The following SLC24A4 variants were observed in gnomAD, a reference collection of about 807,000 sequenced individuals.
SLC24A4 encodes solute carrier family 24 member 4.
In SLC24A4, 53 loss-of-function variants were observed where a neutral mutation model predicts 79.0. That is an observed-to-expected ratio of 0.67 (90% CI 0.54 to 0.84). The LOEUF (loss-of-function observed/expected upper bound fraction) is 0.84. SLC24A4 is among the 40% of genes least tolerant of loss of function. The pLI is 0.00. For synonymous variants in SLC24A4, 323 were observed against 323.8 expected, an observed-to-expected ratio of 1.00 and a Z score of 0.03; for missense variants, 731 against 822.0, an observed-to-expected ratio of 0.89 and a Z score of 1.35.
chr14:92,455,841 C>G (rs529400782), intron 11 of SLC24A4, among the ~76,000 whole-genome samples: 1 of 152,000 alleles, frequency 6.6e-6, no homozygotes, highest in Non-Finnish European at 1.5e-5. Context: ...GCTGGGATTA[C>G]GGGGGCCTAC....
At position 92,418,847 on chromosome 14, in the gene SLC24A4, A is replaced by G. The variant is rs185266692; in HGVS notation, c.242-15065A>G. 6.8e-3 allele frequency among the ~76,000 whole-genome samples: 1,028 copies of G among 152,116 alleles called. 12 individuals carry two copies. The highest frequency in any genetic ancestry group is 0.024 in the African/African-American group (999 of 41,466). On this transcript the variant is annotated intron_variant, in intron 2 of 16. Coordinates refer to ENST00000532405, the MANE Select transcript of SLC24A4 (RefSeq NM_153646.4). ...CTCCTGAGTAGCTGGGATTATAGGC[A>G]CCTGCCACCACGCCTGGCTAATTTT...
In SLC24A4 at chr14:92,490,091, C is replaced by T. The variant is rs1895600074; in HGVS notation, c.1538-1574C>T. Among the ~76,000 whole-genome samples, 1 of 152,174 alleles carries T rather than the reference C, an allele frequency of 6.6e-6. No homozygotes were observed. The highest frequency in any genetic ancestry group is 1.5e-5 in the Non-Finnish European group (1 of 68,040). The stretch of plus-strand genomic sequence containing the variant: ...AGCAGGGGAGGAGGAGGTGACCTAG[C>T]TATGCAACATGGGCGGGCTGGCAGT... On this transcript the variant is annotated intron_variant, in intron 14 of 16. Coordinates refer to ENST00000532405, the MANE Select transcript of SLC24A4 (RefSeq NM_153646.4). The surrounding 1 kb of genome is among the most constrained non-coding windows in gnomAD (Gnocchi z 4.3).
intron 2 of SLC24A4, among the ~76,000 whole-genome samples, chr14:92,378,106 A>G (rs1888619229): frequency 6.6e-6 from 1 of 152,104 alleles, no homozygotes; most frequent in South Asian, 2.1e-4. Context: ...GGAGTCATCC[A>G]TTTTGTTGCG....
chr14:92,471,581 C>A (rs1204324299), intron 12 of SLC24A4, among the ~76,000 whole-genome samples: 1 of 152,150 alleles, frequency 6.6e-6, no homozygotes, highest in Non-Finnish European at 1.5e-5. Context: ...AACCCAGGGC[C>A]TATGTAACCC....
At chr14:92,364,680 T>G (rs1196712253) in intron 2 of SLC24A4, among the ~76,000 whole-genome samples, 1 of 152,110 alleles carries the variant, frequency 6.6e-6, no homozygotes, top group Non-Finnish European at 1.5e-5. Flanking sequence ...TCATCCCTCA[T>G]CTGTGCATGG....
At chr14:92,416,038 A>C (rs779460804) in intron 2 of SLC24A4, among the ~76,000 whole-genome samples, 3 of 152,156 alleles carry the variant, frequency 2.0e-5, no homozygotes, top group Non-Finnish European at 2.9e-5. Context: ...TGGGTTTTAA[A>C]TTCTAAGCTG....
chr14:92,363,827 TA>T (rs139830062), intron 2 of SLC24A4, among the ~76,000 whole-genome samples: 10,402 of 145,514 alleles, frequency 0.071, 439 homozygotes, highest in Admixed American at 0.097. Context: ...AGACTCCGTC[TA>T]AAAAAAAAAA....
chr14:92,474,649 T>C (rs897655104), intron 12 of SLC24A4, among the ~76,000 whole-genome samples: 2 of 78,622 alleles, frequency 2.5e-5, no homozygotes, highest in African/African-American at 9.8e-5. Context: ...AACGCCCAGC[T>C]AATTTTTGTG....
chr14:92,440,459 G>A (rs1388152896), intron 4 of SLC24A4, among the ~76,000 whole-genome samples: 1 of 152,232 alleles, frequency 6.6e-6, no homozygotes, highest in South Asian at 2.1e-4. Flanking sequence ...CCTTCCAGAG[G>A]GGGCCCTTGG....
At chr14:92,376,525 A>G (rs751324362) in intron 2 of SLC24A4, among the ~76,000 whole-genome samples, 5 of 152,256 alleles carry the variant, frequency 3.3e-5, no homozygotes, top group Non-Finnish European at 7.3e-5. Context: ...TTTTGCATAC[A>G]GAAGTCTGGG....
chr14:92,420,150 C>T (rs565648650), intron 2 of SLC24A4, among the ~76,000 whole-genome samples: 44 of 152,294 alleles, frequency 2.9e-4, no homozygotes, highest in African/African-American at 9.6e-4. Flanking sequence ...CCTGTCGACA[C>T]TTTGATATTG....
intron 7 of SLC24A4, among the ~76,000 whole-genome samples, chr14:92,444,237 T>C (rs1208626029): frequency 6.6e-6 from 1 of 152,074 alleles, no homozygotes; most frequent in Non-Finnish European, 1.5e-5. Context: ...AAATATAATC[T>C]ATAATAAAAG....
rs1045562201 is a variant in SLC24A4, at chr14:92,323,610, C to T, written c.-221C>T. On this transcript the variant is annotated 5_prime_UTR_variant, in exon 1 of 17. Coordinates refer to ENST00000532405, the MANE Select transcript of SLC24A4 (RefSeq NM_153646.4). The surrounding 1 kb of genome is among the most constrained non-coding windows in gnomAD (Gnocchi z 4.9). ...AGCCATGGTGCGCGCAGCGCGCACGCGGCGCGCGGGACTCTGAGCTCCGGC... is the reference window on the plus strand; with the variant it reads ...AGCCATGGTGCGCGCAGCGCGCACGTGGCGCGCGGGACTCTGAGCTCCGGC... The T allele has an allele frequency of 1.7e-5, 7 of 419,672 alleles. No individual in the cohort carries two copies. The highest frequency in any genetic ancestry group is 2.1e-5 in the African/African-American group (1 of 48,048). 26.0% of individuals were successfully genotyped at this position (419,672 alleles called of 1,614,324 possible). A position where few individuals can be genotyped will look rare whatever the true frequency, so the allele number is the denominator to read the frequency against.
At chr14:92,346,148 G>T (rs1327852610) in intron 2 of SLC24A4, among the ~76,000 whole-genome samples, 1 of 152,124 alleles carries the variant, frequency 6.6e-6, no homozygotes, top group Non-Finnish European at 1.5e-5. Context: ...CAAGGAGGCT[G>T]GTGTGACTGA....
intron 2 of SLC24A4, among the ~76,000 whole-genome samples, chr14:92,382,714 A>C (rs1403881123): frequency 2.6e-5 from 4 of 152,126 alleles, no homozygotes; most frequent in Non-Finnish European, 4.4e-5. Context: ...ACCTAACCCT[A>C]CCTGGAAACA....
At chr14:92,331,832 A>T (rs1319778026) in intron 2 of SLC24A4, among the ~76,000 whole-genome samples, 3 of 152,192 alleles carry the variant, frequency 2.0e-5, no homozygotes, top group Non-Finnish European at 4.4e-5. Context: ...CAATGTGAAG[A>T]TCATGAGGAT....
At chr14:92,390,744 A>G (rs1889415321) in intron 2 of SLC24A4, among the ~76,000 whole-genome samples, 2 of 152,208 alleles carry the variant, frequency 1.3e-5, no homozygotes, top group South Asian at 4.1e-4. Flanking sequence ...CACGGGCACC[A>G]GGCCTACCAG....
At chr14:92,447,484 CT>C (rs1892868095) in intron 9 of SLC24A4, 60 bp downstream of exon 9, 1 of 1,481,312 alleles carries the variant, frequency 6.8e-7, no homozygotes, top group South Asian at 1.1e-5. Flanking sequence ...CTGCTACAGC[CT>C]TTTGTGACAG....
intron 1 of SLC24A4, among the ~76,000 whole-genome samples, chr14:92,324,783 CAAAAG>C (rs1194253833): frequency 6.6e-6 from 1 of 152,044 alleles, no homozygotes; most frequent in Non-Finnish European, 1.5e-5. Context: ...TGTAAAAAGA[CAAAAG>C]AAATGCTGGT....
Sources: allele counts gnomAD v4.1 joint callset (sites outside exome capture counted in the v4.1 genomes callset), GRCh38; gene constraint gnomAD v4.1.1; non-coding constraint Gnocchi (gnomAD v3.1); transcripts MANE v1.5; gene names NCBI Gene and HGNC (gene_info 2026-07-23, HGNC 2026-07-21).